The following DCC variants were observed in gnomAD, a reference collection of about 807,000 sequenced individuals.
DCC encodes the protein DCC netrin 1 receptor, also known as netrin receptor DCC.
Under a neutral mutation model 172.5 loss-of-function variants are expected in DCC, and 58 were observed. The observed-to-expected ratio is 0.34, with a 90% confidence interval of 0.27 to 0.42. The LOEUF (loss-of-function observed/expected upper bound fraction) is 0.42. Among genes scored for constraint, DCC ranks in the 10% least tolerant of loss-of-function variants. The pLI is 1.00. For synonymous variants in DCC, 709 were observed against 644.5 expected (o/e 1.10, Z -1.52); for missense variants, 1,740 against 1,791.0 (o/e 0.97, Z 0.51).
intron 2 of DCC, among the ~76,000 whole-genome samples, chr18:52,903,158 T>C (rs1433414350): frequency 2.0e-5 from 3 of 152,238 alleles, no homozygotes; most frequent in Admixed American, 2.0e-4. Context: ...AAATACATTT[T>C]TGAATGCAAA....
chr18:52,869,493 C>G (rs2039283354), intron 2 of DCC, among the ~76,000 whole-genome samples: 1 of 152,204 alleles, frequency 6.6e-6, no homozygotes, highest in South Asian at 2.1e-4. Flanking sequence ...CCACTCTGGT[C>G]ACAGGACTGG....
rs563874723 is a variant in DCC at position 52,738,745 on chromosome 18, G to C, written c.92-13309G>C. On this transcript the variant is annotated intron_variant, in intron 1 of 28. Transcript: ENST00000442544. ...TTTAATTTTCTTTCTTTCTTTCTTT[G>C]TTTTTTTTTTTTGAGACTAAGTCTC... Among the ~76,000 whole-genome samples, 17 of 138,720 alleles carry C rather than the reference G, an allele frequency of 1.2e-4. No homozygotes were observed. In the South Asian group the frequency reaches 3.0e-3, roughly 24 times the overall value. 91.0% of individuals were successfully genotyped at this position (138,720 alleles called of 152,430 possible).
intron 1 of DCC, among the ~76,000 whole-genome samples, chr18:52,385,401 A>G (rs1378589491): frequency 6.6e-6 from 1 of 151,714 alleles, no homozygotes; most frequent in African/African-American, 2.4e-5. Flanking sequence ...TCAGTCTCCC[A>G]TGTAGCTAGG....
intron 11 of DCC, among the ~76,000 whole-genome samples, chr18:53,212,898 C>T (rs1230488179): frequency 6.6e-6 from 1 of 152,098 alleles, no homozygotes; most frequent in African/African-American, 2.4e-5. Context: ...TCTCGAACTC[C>T]TGACCTCAAG....
chr18:52,817,906 T>C (rs1199002628), intron 2 of DCC, among the ~76,000 whole-genome samples: 1 of 152,174 alleles, frequency 6.6e-6, no homozygotes, highest in Non-Finnish European at 1.5e-5. Flanking sequence ...TAAAGCCAGC[T>C]TGTGGAATGC....
intron 1 of DCC, among the ~76,000 whole-genome samples, chr18:52,689,701 G>T (rs1008576829): frequency 2.0e-5 from 3 of 152,012 alleles, no homozygotes; most frequent in Non-Finnish European, 4.4e-5. Context: ...GAAATAAATA[G>T]CTATCTGATT....
chr18:53,003,556 A>G (rs72930051), intron 5 of DCC, among the ~76,000 whole-genome samples: 3,239 of 152,120 alleles, frequency 0.021, 59 homozygotes, highest in Admixed American at 0.038. Flanking sequence ...GTGCTTGGAG[A>G]TGGTCCCCTT....
intron 5 of DCC, among the ~76,000 whole-genome samples, chr18:53,038,933 C>A (rs1236825796): frequency 1.3e-5 from 2 of 151,612 alleles, no homozygotes; most frequent in Non-Finnish European, 2.9e-5. Context: ...AAGGGAAGGA[C>A]ACTTGACATT....
intron 1 of DCC, among the ~76,000 whole-genome samples, chr18:52,524,486 T>C (rs2031920366): frequency 6.6e-6 from 1 of 152,242 alleles, no homozygotes; most frequent in African/African-American, 2.4e-5. Flanking sequence ...GCCAACTTTT[T>C]GGAAGCACAT....
chr18:53,490,589 C>G (rs560232337), intron 26 of DCC, among the ~76,000 whole-genome samples: 77 of 152,292 alleles, frequency 5.1e-4, no homozygotes, highest in African/African-American at 1.8e-3. Flanking sequence ...TTGATTCTCA[C>G]TCGATACTCT....
intron 1 of DCC, among the ~76,000 whole-genome samples, chr18:52,613,466 A>G (rs545865843): frequency 6.6e-6 from 1 of 152,254 alleles, no homozygotes; most frequent in East Asian, 1.9e-4. Context: ...CGTGTTAGCC[A>G]GGATGGTCTT....
intron 27 of DCC, among the ~76,000 whole-genome samples, chr18:53,521,357 T>C (rs868346742): frequency 2.6e-5 from 4 of 152,116 alleles, no homozygotes; most frequent in Admixed American, 6.6e-5. Flanking sequence ...ATTGTAATAA[T>C]AGGAGTGTGG....
intron 7 of DCC, among the ~76,000 whole-genome samples, chr18:53,147,997 C>A (rs2043941429): frequency 6.6e-6 from 1 of 152,160 alleles, no homozygotes; most frequent in African/African-American, 2.4e-5. Context: ...GTTGTATTAT[C>A]TTCCATGTAT....
At chr18:53,036,012 G>A (rs2042087666) in intron 5 of DCC, among the ~76,000 whole-genome samples, 1 of 151,836 alleles carries the variant, frequency 6.6e-6, no homozygotes, top group Non-Finnish European at 1.5e-5. Flanking sequence ...CCTCGATGTT[G>A]GACACTTGGT....
chr18:53,330,465 A>C (rs1028034674), intron 14 of DCC, among the ~76,000 whole-genome samples: 2 of 152,068 alleles, frequency 1.3e-5, no homozygotes, highest in Non-Finnish European at 2.9e-5. Context: ...TCAGGCTCAC[A>C]TCATTTGTCA....
intron 3 of DCC, among the ~76,000 whole-genome samples, chr18:52,907,188 A>G (rs944570175): frequency 2.7e-5 from 4 of 148,512 alleles, no homozygotes; most frequent in Non-Finnish European, 6.0e-5. Context: ...CATGATATGT[A>G]TTATATATAT....
At chr18:52,812,241 T>A (rs1409368713) in intron 2 of DCC, among the ~76,000 whole-genome samples, 1 of 152,222 alleles carries the variant, frequency 6.6e-6, no homozygotes, top group Non-Finnish European at 1.5e-5. Context: ...TATTTTTGTT[T>A]TATATTTTAT....
chr18:53,184,517 A>G (rs2055249267), intron 9 of DCC, among the ~76,000 whole-genome samples: 1 of 152,108 alleles, frequency 6.6e-6, no homozygotes, highest in Non-Finnish European at 1.5e-5. Context: ...CACCTAGGCT[A>G]TATGGTATAG....
At chr18:52,693,139 A>G (rs2145016288) in intron 1 of DCC, among the ~76,000 whole-genome samples, 1 of 150,668 alleles carries the variant, frequency 6.6e-6, no homozygotes, top group East Asian at 2.0e-4. Context: ...AGGCAAATCA[A>G]AAGAACCCTG....
Sources: allele counts gnomAD v4.1 joint callset (sites outside exome capture counted in the v4.1 genomes callset), GRCh38; gene constraint gnomAD v4.1.1; transcripts MANE v1.5; gene names NCBI Gene and HGNC (gene_info 2026-07-23, HGNC 2026-07-21).